LRRC9: variants seen among roughly 807,000 people sequenced by gnomAD.
LRRC9 encodes leucine rich repeat containing 9.
Under a neutral mutation model 63.2 loss-of-function variants are expected in LRRC9, and 122 were observed. The ratio of observed to expected loss-of-function variants is 1.93; its 90% CI spans 1.67 to 2.24. LRRC9 has a LOEUF of 2.24. LRRC9 is among the 30% of genes most tolerant of loss of function. The probability of loss-of-function intolerance (pLI) is 0.00; values close to 1 mark genes in which losing one functional copy is unlikely to be tolerated. For synonymous variants in LRRC9, 366 were observed against 213.1 expected, an observed-to-expected ratio of 1.72 and a Z score of -6.25; for missense variants, 1,071 against 627.7, an observed-to-expected ratio of 1.71 and a Z score of -7.55.
intron 16 of LRRC9, among the ~76,000 whole-genome samples, chr14:59,983,462 T>C (rs1163912972): frequency 6.6e-6 from 1 of 152,190 alleles, no homozygotes; most frequent in Admixed American, 6.6e-5. Context: ...AGCAAATATA[T>C]ATGTGAACAC....
intron 26 of LRRC9, among the ~76,000 whole-genome samples, chr14:60,021,371 GT>G (rs1364929992): frequency 6.6e-6 from 1 of 151,774 alleles, no homozygotes; most frequent in Non-Finnish European, 1.5e-5. Flanking sequence ...TCATTATTAA[GT>G]GTCTTTATAC....
At chr14:59,992,976 A>G (rs897406706) in intron 17 of LRRC9, among the ~76,000 whole-genome samples, 7 of 152,142 alleles carry the variant, frequency 4.6e-5, no homozygotes, top group African/African-American at 1.2e-4. Flanking sequence ...GATACTCCTC[A>G]AGAAGAGCAA....
At chr14:60,034,187 T>G (rs976720572) in intron 29 of LRRC9, among the ~76,000 whole-genome samples, 4 of 151,616 alleles carry the variant, frequency 2.6e-5, no homozygotes, top group Admixed American at 2.0e-4. Flanking sequence ...CTGGCTAATT[T>G]TTTGTATTTT....
chr14:59,997,947 A>G (rs2140187882), intron 18 of LRRC9, 100 bp downstream of exon 18: 2 of 565,852 alleles, frequency 3.5e-6, no homozygotes, highest in Non-Finnish European at 6.3e-6. Flanking sequence ...TAGGCAAAGT[A>G]TCTTCGTTTT....
chr14:60,056,212 C>T (rs1466439569), intron 30 of LRRC9, among the ~76,000 whole-genome samples: 5 of 152,156 alleles, frequency 3.3e-5, no homozygotes, highest in African/African-American at 1.2e-4. Context: ...ATGTAGATAT[C>T]TTTAGGGGAG....
chr14:60,045,456 G>C (rs1200203756), intron 29 of LRRC9, among the ~76,000 whole-genome samples: 1 of 151,978 alleles, frequency 6.6e-6, no homozygotes, highest in East Asian at 1.9e-4. Context: ...CCCCAGGGTG[G>C]GTTGTTCCCA....
intron 21 of LRRC9, 49 bp from the exon 22 acceptor site, chr14:60,006,348 A>C (rs1889807305): frequency 1.6e-6 from 1 of 630,292 alleles, no homozygotes; most frequent in African/African-American, 1.8e-5. Flanking sequence ...TTTTAAATTA[A>C]ACCTTTAGTG....
In LRRC9 at chr14:59,946,519, ATTATAC is replaced by A. The variant is rs1371278928; in HGVS notation, c.882+1778_882+1783del. ...TTTTTTTTGTCTTTTTTTTTTTTAA[ATTATAC>A]TTTAAGTTTTAGGGTACATGTGCAC... On this transcript the variant is annotated intron_variant, in intron 8 of 31. Coordinates refer to ENST00000445360, the Ensembl canonical transcript of LRRC9. Among the ~76,000 whole-genome samples the A allele has an allele frequency of 2.5e-4, 37 of 149,150 alleles. 2 individuals are homozygous for A. Among genetic ancestry groups the A allele is most frequent in the Admixed American group, 8.7e-4 (13 of 15,008 alleles).
Position 59,986,567 on chromosome 14 carries a change from AG to A in LRRC9, c.2211+1345del, listed in dbSNP as rs1887494611. 6.6e-6 allele frequency among the ~76,000 whole-genome samples: 1 copy of A among 152,202 alleles called. No homozygotes were observed. The highest frequency in any genetic ancestry group is 2.1e-4 in the South Asian group (1 of 4,832). On this transcript the variant is annotated intron_variant, in intron 17 of 31. Coordinates refer to ENST00000445360, the Ensembl canonical transcript of LRRC9. This position sits in a 1 kb window ranked among gnomAD's most constrained non-coding sequence, Gnocchi z 4.7. ...AAAAAGGTATTTTAGAAGAGGTCTC[AG>A]GACTGTATGTAGATTGTTGGTATTT...
chr14:59,989,882 AT>A (rs970219458), intron 17 of LRRC9, among the ~76,000 whole-genome samples: 1 of 143,070 alleles, frequency 7.0e-6, no homozygotes, highest in Non-Finnish European at 1.5e-5. Flanking sequence ...TTACTCTGAG[AT>A]TTTTTTGGCT....
chr14:60,053,294 C>A lies in LRRC9; in HGVS notation c.4131+89C>A. ...ATATCTTTTGATTTAAATGTTTAAA[C>A]CTATGGCGTTTTTGATAAGGATGAT... On this transcript the variant is annotated intron_variant, in intron 30 of 31. Coordinates refer to ENST00000445360, the Ensembl canonical transcript of LRRC9. This position sits in a 1 kb window ranked among gnomAD's most constrained non-coding sequence, Gnocchi z 4.8. 1.7e-6 allele frequency: 1 copy of A among 598,370 alleles called. No homozygotes were observed. Among genetic ancestry groups the A allele is most frequent in the Non-Finnish European group, 3.0e-6 (1 of 334,348 alleles). 37.1% of individuals were successfully genotyped at this position (598,370 alleles called of 1,614,324 possible).
intron 22 of LRRC9, 31 bp from the exon 23 acceptor site, chr14:60,008,061 T>C (rs749765937): frequency 3.1e-6 from 2 of 637,830 alleles, no homozygotes; most frequent in South Asian, 3.6e-5. Context: ...TAAATATACA[T>C]ATAGATGAAT....
chr14:59,998,211 G>C (rs1309253057), intron 18 of LRRC9, among the ~76,000 whole-genome samples: 1 of 151,956 alleles, frequency 6.6e-6, no homozygotes, highest in African/African-American at 2.4e-5. Flanking sequence ...TACAGTGAGA[G>C]GGGCACACTA....
intron 23 of LRRC9, among the ~76,000 whole-genome samples, chr14:60,010,596 G>A (rs1203961282): frequency 6.6e-6 from 1 of 152,180 alleles, no homozygotes; most frequent in African/African-American, 2.4e-5. Flanking sequence ...GCAAATTTCT[G>A]CAGCCAGCTT....
chr14:60,018,676 T>G (rs1214604762), intron 25 of LRRC9, among the ~76,000 whole-genome samples, 197 bp downstream of exon 25: 1 of 151,954 alleles, frequency 6.6e-6, no homozygotes. Context: ...CAGTTTTATG[T>G]GATTGTCACA....
chr14:60,009,199 T>A (rs924494889), intron 23 of LRRC9, among the ~76,000 whole-genome samples: 3 of 152,210 alleles, frequency 2.0e-5, no homozygotes, highest in Admixed American at 2.0e-4. Flanking sequence ...AAAGTTATGT[T>A]CTGCTCACTG....
chr14:60,005,156 T>C (rs562441161), intron 21 of LRRC9, among the ~76,000 whole-genome samples: 2 of 152,230 alleles, frequency 1.3e-5, no homozygotes, highest in Admixed American at 6.5e-5. Context: ...ATTTGTGACA[T>C]ATTTCATTTT....
At chr14:60,057,197 A>G (rs947847630) in intron 30 of LRRC9, among the ~76,000 whole-genome samples, 2 of 152,188 alleles carry the variant, frequency 1.3e-5, no homozygotes, top group African/African-American at 4.8e-5. Context: ...AAACAAGGTC[A>G]GTCTTAACAA....
intron 12 of LRRC9, 105 bp downstream of exon 12, chr14:59,967,318 T>G (rs76051042): frequency 6.4e-6 from 3 of 469,570 alleles, no homozygotes; most frequent in Admixed American, 6.7e-5. Context: ...TTATAGTAAA[T>G]TTCTACTGCT....
Sources: allele counts gnomAD v4.1 joint callset (sites outside exome capture counted in the v4.1 genomes callset), GRCh38; gene constraint gnomAD v4.1.1; non-coding constraint Gnocchi (gnomAD v3.1); transcripts MANE v1.5; gene names NCBI Gene and HGNC (gene_info 2026-07-23, HGNC 2026-07-21).